LYST: variants seen among roughly 807,000 people sequenced by gnomAD.
The protein encoded by LYST is lysosomal-trafficking regulator.
Under a neutral mutation model 413.6 loss-of-function variants are expected in LYST, and 192 were observed. The observed-to-expected ratio is 0.46, with a 90% CI of 0.41 to 0.52. The LOEUF (loss-of-function observed/expected upper bound fraction) is 0.52, where lower values mean the gene tolerates loss of function less well. Among genes scored for constraint, LYST ranks in the 20% least tolerant of loss-of-function variants. The probability of loss-of-function intolerance (pLI) is 0.00; values close to 1 mark genes in which losing one functional copy is unlikely to be tolerated. For missense variants in LYST, 3,815 were observed against 4,499.9 expected (o/e 0.85, Z 4.35); for synonymous variants, 1,525 against 1,567.3 (o/e 0.97, Z 0.64).
chr1:235,871,232 T>C (rs921924182), upstream of LYST, among the ~76,000 whole-genome samples: 1 of 152,256 alleles, frequency 6.6e-6, no homozygotes, highest in African/African-American at 2.4e-5. Context: ...AGTATGATTC[T>C]TTCATGTAAT....
rs1673305138 is a variant in LYST, at chr1:235,810,118, T to C, written c.700A>G (p.Asn234Asp). 2 of 1,614,068 alleles carry C rather than the reference T, an allele frequency of 1.2e-6. No homozygotes were observed. Among genetic ancestry groups the C allele is most frequent in the African/African-American group, 2.7e-5 (2 of 74,938 alleles). The change falls in exon 5 of 53, where the codon AAC becomes GAC. Residue 234 changes from asparagine (N) to aspartate (D), a missense_variant. Around this residue, in one of 4 missense-constraint regions of LYST, gnomAD observed 1,648 missense variants for 1,810.3 expected, o/e 0.91. Coordinates refer to ENST00000389793, the MANE Select transcript of LYST (RefSeq NM_000081.4). ...GCTGGCTCACTTAAAATGTCAGTGT[T>C]TGACCCCTGTCTTGGAATAATCTCT... is the stretch of plus-strand genomic sequence containing the variant. ...SREIIPRQGS[N>D]TDILSEPAAL... is the part of the protein sequence containing the mutation.
chr1:235,788,875 T>C lies in LYST; in HGVS notation c.4544-30A>G, dbSNP rs368572209. On this transcript the variant is annotated intron_variant, in intron 12 of 52. Transcript: ENST00000389793. The stretch of plus-strand genomic sequence containing the variant: ...AAGAAAAAGATGTTAGAATGATCAG[T>C]AAAATGGTTCGTAACAACTGAGTAG... 2.8e-5 allele frequency: 45 copies of C among 1,608,436 alleles called. No homozygotes were observed. In the African/African-American group the frequency reaches 5.2e-4, roughly 19 times the overall value.
intron 10 of LYST, among the ~76,000 whole-genome samples, chr1:235,795,426 G>A (rs1429318272): frequency 6.6e-6 from 1 of 152,212 alleles, no homozygotes; most frequent in Non-Finnish European, 1.5e-5. Context: ...TGTATGCCAA[G>A]CCATGCATCC....
chr1:235,725,716 C>G (rs1663809400), intron 38 of LYST, among the ~76,000 whole-genome samples: 1 of 152,052 alleles, frequency 6.6e-6, no homozygotes, highest in Non-Finnish European at 1.5e-5. Flanking sequence ...AAATAAAGCC[C>G]CACTCACTAA....
In LYST at chr1:235,809,252, C is replaced by T. The variant is rs140648262; in HGVS notation, c.1566G>A (p.Ser522=). The T allele has an allele frequency of 2.3e-5, 37 of 1,613,126 alleles. No homozygotes were observed. The African/African-American group carries it at 3.7e-4, about 16-fold the overall frequency. The part of the protein sequence containing the change: ...HHRDLSGLLV[S]AFKNQVSKNP... ...TTTTGGAAACCTGGTTTTTAAAAGC[C>T]GAAACCAGAAGACCTGAGAGATCTC... The change falls in exon 5 of 53, where the codon TCG becomes TCA. Residue 522 remains serine, a synonymous_variant. Coordinates refer to ENST00000389793, the MANE Select transcript of LYST (RefSeq NM_000081.4). The surrounding 1 kb of genome is among the most constrained non-coding windows in gnomAD (Gnocchi z 4.0).
chr1:235,860,701 T>C (rs1375313873), intron 1 of LYST, among the ~76,000 whole-genome samples: 1 of 152,226 alleles, frequency 6.6e-6, no homozygotes, highest in East Asian at 1.9e-4. Flanking sequence ...ATAACTGACA[T>C]GTAACAAACC....
intron 12 of LYST, among the ~76,000 whole-genome samples, chr1:235,790,738 A>G (rs1045553098): frequency 6.6e-6 from 1 of 152,190 alleles, no homozygotes; most frequent in African/African-American, 2.4e-5. Context: ...TTTTCAATGA[A>G]CAGTTTTTTT....
At chr1:235,692,294 C>T (rs958555672) in intron 47 of LYST, among the ~76,000 whole-genome samples, 5 of 151,834 alleles carry the variant, frequency 3.3e-5, no homozygotes, top group Non-Finnish European at 4.4e-5. Context: ...GATCACACCA[C>T]TGTACTCCAG....
chr1:235,776,732 T>C (rs555877321), intron 17 of LYST, among the ~76,000 whole-genome samples: 7 of 152,148 alleles, frequency 4.6e-5, no homozygotes, highest in African/African-American at 1.2e-4. Context: ...AGTTTTTTCC[T>C]ATGCATTGGA....
Position 235,762,836 on chromosome 1 carries a change from T to C in LYST, c.6137A>G (p.Gln2046Arg), listed in dbSNP as rs974043936. 1.2e-6 allele frequency: 2 copies of C among 1,613,442 alleles called. No homozygotes were observed. The highest frequency in any genetic ancestry group is 2.2e-5 in the East Asian group (1 of 44,812). Residue 2046 changes from glutamine to arginine, a missense_variant, in exon 22 of 53, where the codon CAG becomes CGG. Around this residue, in one of 4 missense-constraint regions of LYST, gnomAD observed 530 missense variants for 696.5 expected, o/e 0.76. Coordinates refer to ENST00000389793, the MANE Select transcript of LYST (RefSeq NM_000081.4). Reference sequence around the variant, plus strand: ...GTACATGATTGACCGCACTTTCTCCTGAAAGATCTTGCCATCTAGAATCCA... The same window carrying C: ...GTACATGATTGACCGCACTTTCTCCCGAAAGATCTTGCCATCTAGAATCCA... ...FSLHIDGKIF[Q>R]EKVRSIMYLR...
chr1:235,837,842 AG>A (rs1676736006), intron 1 of LYST, among the ~76,000 whole-genome samples: 2 of 152,188 alleles, frequency 1.3e-5, no homozygotes, highest in South Asian at 4.2e-4. Context: ...TGATGGCTTG[AG>A]GAGGACATGA....
intron 1 of LYST, among the ~76,000 whole-genome samples, chr1:235,865,647 T>C (rs754584187): frequency 1.3e-5 from 2 of 152,036 alleles, no homozygotes; most frequent in Non-Finnish European, 2.9e-5. Context: ...AGAAAAAGAG[T>C]TGTTGGCCAC....
chr1:235,867,673 G>GA (rs1005472842), upstream of LYST, among the ~76,000 whole-genome samples: 3 of 152,146 alleles, frequency 2.0e-5, no homozygotes, highest in African/African-American at 4.8e-5. Context: ...CCGGCTCTGG[G>GA]CCCAGCACGC....
At chr1:235,833,023 C>T (rs1013691714) in intron 2 of LYST, among the ~76,000 whole-genome samples, 1 of 152,004 alleles carries the variant, frequency 6.6e-6, no homozygotes, top group African/African-American at 2.4e-5. Flanking sequence ...ATATAATACT[C>T]TATAATCTAC....
intron 10 of LYST, among the ~76,000 whole-genome samples, chr1:235,797,322 A>G: frequency 6.6e-6 from 1 of 152,240 alleles, no homozygotes; most frequent in African/African-American, 2.4e-5. Flanking sequence ...GTAACTTTAC[A>G]GTGGAGAGAC....
rs3754230 is a variant in LYST, at chr1:235,663,283, G to A, written c.11268-205C>T. 0.12 allele frequency among the ~76,000 whole-genome samples: 18,511 copies of A among 152,086 alleles called. 1,157 individuals carry two copies. The highest frequency in any genetic ancestry group is 0.2 in the South Asian group (941 of 4,822). Reference sequence around the variant, plus strand: ...GACAAGTTGAGATGCTCATAAATGCGGTGATATAGAATAAAATCAGGATCA... The same window carrying A: ...GACAAGTTGAGATGCTCATAAATGCAGTGATATAGAATAAAATCAGGATCA... On this transcript the variant is annotated intron_variant, in intron 52 of 52. Coordinates refer to ENST00000389793, the MANE Select transcript of LYST (RefSeq NM_000081.4).
chr1:235,853,773 G>A (rs755742060), intron 1 of LYST, among the ~76,000 whole-genome samples: 6 of 152,110 alleles, frequency 3.9e-5, no homozygotes, highest in African/African-American at 7.2e-5. Context: ...GGAAACTCAG[G>A]CATAGGGCAG....
At chr1:235,773,803 A>T in intron 19 of LYST, 39 bp downstream of exon 19, 1 of 1,564,530 alleles carries the variant, frequency 6.4e-7, no homozygotes, top group Non-Finnish European at 8.8e-7. Flanking sequence ...TATGCATTTT[A>T]CCACAATAAA....
chr1:235,821,647 G>A (rs1475304820), intron 3 of LYST, among the ~76,000 whole-genome samples: 1 of 152,164 alleles, frequency 6.6e-6, no homozygotes, highest in East Asian at 1.9e-4. Context: ...TTTATATAAA[G>A]AACCAGATAG....
Sources: allele counts gnomAD v4.1 joint callset (sites outside exome capture counted in the v4.1 genomes callset), GRCh38; gene constraint gnomAD v4.1.1; regional missense constraint gnomAD v4.1.1; non-coding constraint Gnocchi (gnomAD v3.1); transcripts MANE v1.5; gene names NCBI Gene and HGNC (gene_info 2026-07-23, HGNC 2026-07-21).